Variants in BSN observed in about 807,000 individuals in gnomAD.
BSN encodes the protein bassoon presynaptic cytomatrix protein.
In BSN, 57 loss-of-function variants were observed where a neutral mutation model predicts 264.8. The observed-to-expected ratio is 0.22, with a 90% CI of 0.17 to 0.27. The LOEUF is 0.27. Ranked by LOEUF, BSN falls within the 10% of genes least tolerant of loss-of-function variation. The pLI, the probability that BSN is intolerant of heterozygous loss-of-function variation, is 1.00. For missense variants in BSN, 4,615 were observed against 5,232.5 expected (o/e 0.88, Z 3.64); for synonymous variants, 2,059 against 2,137.3 (o/e 0.96, Z 1.01).
intron 1 of BSN, among the ~76,000 whole-genome samples, chr3:49,564,276 G>A (rs1450111629): frequency 6.6e-6 from 1 of 152,124 alleles, no homozygotes; most frequent in Non-Finnish European, 1.5e-5. Context: ...GAGCTTTTGG[G>A]CAGCTACTCC....
chr3:49,641,169 A>T (rs372335950), intron 2 of BSN, among the ~76,000 whole-genome samples: 5 of 152,196 alleles, frequency 3.3e-5, no homozygotes, highest in African/African-American at 1.2e-4. Flanking sequence ...TTATTGGGTC[A>T]TGTAACTGGA....
At chr3:49,574,138 T>TA in intron 1 of BSN, among the ~76,000 whole-genome samples, 1 of 149,468 alleles carries the variant, frequency 6.7e-6, no homozygotes, top group African/African-American at 2.4e-5. Flanking sequence ...TTGTATTTTT[T>TA]TTTTTTTTTT....
intron 5 of BSN, among the ~76,000 whole-genome samples, chr3:49,659,452 A>AT (rs1422260250): frequency 6.6e-6 from 1 of 152,164 alleles, no homozygotes; most frequent in Non-Finnish European, 1.5e-5. Context: ...GCACACTATA[A>AT]TTTTTATTAT....
rs2052552263 is a variant in BSN, at chr3:49,652,502, A to G, written c.2946A>G (p.Thr982=). ...GCTCCCGTGGTGAGCACTCCTCTACATTGCCTGCCTCCACACCCAGCTACA... is the reference window on the plus strand; with the variant it reads ...GCTCCCGTGGTGAGCACTCCTCTACGTTGCCTGCCTCCACACCCAGCTACA... ...EDRSRGEHSS[T]LPASTPSYTS... is the part of the protein sequence containing the mutation. Residue 982 remains threonine, a synonymous_variant, in exon 5 of 12, where the codon ACA becomes ACG. Coordinates refer to ENST00000296452, the MANE Select transcript of BSN (RefSeq NM_003458.4). 9.9e-6 allele frequency: 16 copies of G among 1,613,556 alleles called. No individual in the cohort carries two copies. Among genetic ancestry groups the G allele is most frequent in the Non-Finnish European group, 1.4e-5 (16 of 1,179,944 alleles).
At chr3:49,609,029 A>G (rs2052181900) in intron 1 of BSN, among the ~76,000 whole-genome samples, 1 of 151,658 alleles carries the variant, frequency 6.6e-6, no homozygotes, top group Non-Finnish European at 1.5e-5. Context: ...GGAACTGAGG[A>G]ATCTGGTGAG....
At chr3:49,573,954 G>A (rs2051819204) in intron 1 of BSN, among the ~76,000 whole-genome samples, 1 of 151,056 alleles carries the variant, frequency 6.6e-6, no homozygotes, top group South Asian at 2.1e-4. Flanking sequence ...ACTGCGCCCA[G>A]CCTTTCTGTT....
Position 49,653,808 on chromosome 3 carries a change from A to G in BSN, c.4252A>G (p.Ser1418Gly). 6.2e-7 allele frequency: 1 copy of G among 1,614,092 alleles called. No individual in the cohort carries two copies. The highest frequency in any genetic ancestry group is 1.7e-5 in the Admixed American group (1 of 60,020). Residue 1418 changes from serine (S) to glycine (G), a missense_variant, in exon 5 of 12, where the codon AGC becomes GGC. By Grantham distance (56) the Ser-to-Gly change is moderately conservative. Transcript: ENST00000296452. This position sits in a 1 kb window ranked among gnomAD's most constrained non-coding sequence, Gnocchi z 6.3. The part of the protein sequence containing the change: ...RSPSPSSTAH[S>G]YGHSPTTANY... ...TCCTTCACCATCTTCCACAGCCCAC[A>G]GCTATGGACACAGCCCAACCACTGC... is the stretch of plus-strand genomic sequence containing the variant.
intron 1 of BSN, among the ~76,000 whole-genome samples, chr3:49,598,199 A>T (rs537798034): frequency 6.6e-6 from 1 of 152,188 alleles, no homozygotes; most frequent in Non-Finnish European, 1.5e-5. Context: ...GTTGCTTTGC[A>T]TGTCTCATAA....
chr3:49,584,221 CTTTCT>C (rs1392982890), intron 1 of BSN, among the ~76,000 whole-genome samples: 4 of 151,720 alleles, frequency 2.6e-5, no homozygotes, highest in African/African-American at 9.7e-5. Flanking sequence ...TAGTAACATC[CTTTCT>C]TTTATTTCTG....
At chr3:49,567,687 T>A (rs1234190110) in intron 1 of BSN, among the ~76,000 whole-genome samples, 5 of 152,228 alleles carry the variant, frequency 3.3e-5, no homozygotes, top group African/African-American at 9.6e-5. Context: ...CAAGGAGTTG[T>A]ATTGCAGTTA....
At chr3:49,636,910 C>T (rs9824435) in intron 2 of BSN, among the ~76,000 whole-genome samples, 131,130 of 152,278 alleles carry the variant, frequency 0.86, 56,627 homozygotes, top group East Asian at 0.99. Context: ...TTCTGCACAT[C>T]GGCCTGTCCT....
intron 1 of BSN, among the ~76,000 whole-genome samples, chr3:49,582,248 A>T (rs1468516497): frequency 6.6e-6 from 1 of 152,238 alleles, no homozygotes; most frequent in Non-Finnish European, 1.5e-5. Flanking sequence ...TTTCTAATCA[A>T]TGGCTTATTG....
At chr3:49,594,506 T>C (rs1370859223) in intron 1 of BSN, among the ~76,000 whole-genome samples, 1 of 152,250 alleles carries the variant, frequency 6.6e-6, no homozygotes, top group Non-Finnish European at 1.5e-5. Flanking sequence ...TATTTCTGAA[T>C]TCTCTATTCT....
In BSN at chr3:49,656,907, C is replaced by T; in HGVS notation, c.7351C>T (p.Gln2451Ter). ...QREQLAQQRL[Q>*]LEQIQQLQQQ... is the part of the protein sequence containing the mutation. ...GGAACAGCTAGCGCAGCAGCGTCTG[C>T]AGCTGGAGCAGATCCAGCAGCTGCA... Residue 2451 changes from glutamine to a stop codon, truncating the protein, a stop_gained, in exon 5 of 12, where the codon CAG becomes TAG. Transcript: ENST00000296452. LOFTEE classifies it high-confidence loss of function. The T allele has an allele frequency of 1.2e-6, 2 of 1,600,306 alleles. No individual in the cohort carries two copies. Among genetic ancestry groups the T allele is most frequent in the Non-Finnish European group, 1.7e-6 (2 of 1,173,282 alleles).
rs576074509 is a variant in BSN at position 49,578,642 on chromosome 3, G to A, written c.224+23816G>A. On this transcript the variant is annotated intron_variant, in intron 1 of 11. Coordinates refer to ENST00000296452, the MANE Select transcript of BSN (RefSeq NM_003458.4). Reference sequence around the variant, plus strand: ...CATGTGGTCTCAATCTCCTGATCTCGTGATCCACCCGTGTCGGCCTCCTAA... The same window carrying A: ...CATGTGGTCTCAATCTCCTGATCTCATGATCCACCCGTGTCGGCCTCCTAA... Among the ~76,000 whole-genome samples, 323 of 152,012 alleles carry A rather than the reference G, an allele frequency of 2.1e-3. 2 individuals carry two copies. The highest frequency in any genetic ancestry group is 0.01 in the Admixed American group (157 of 15,258).
intron 1 of BSN, among the ~76,000 whole-genome samples, chr3:49,588,341 T>G (rs923087641): frequency 3.9e-5 from 6 of 152,182 alleles, no homozygotes; most frequent in Non-Finnish European, 8.8e-5. Context: ...GTGGGCATCC[T>G]TGTCATGTTC....
In BSN at chr3:49,593,889, G is replaced by A. The variant is rs1320248916; in HGVS notation, c.225-31086G>A. ...GTGATCTTGGCTCACTGCAAACTCC[G>A]CCTCCCAGGTTCACGCCATTCTCTT... is the stretch of plus-strand genomic sequence containing the variant. On this transcript the variant is annotated intron_variant, in intron 1 of 11. Transcript: ENST00000296452. Among the ~76,000 whole-genome samples, 5 of 144,172 alleles carry A rather than the reference G, an allele frequency of 3.5e-5. No individual in the cohort carries two copies. In the East Asian group the frequency reaches 6.2e-4, roughly 18 times the overall value. The allele number at this position is 144,172 out of a possible 152,430, so 94.6% of individuals were successfully genotyped here.
intron 1 of BSN, among the ~76,000 whole-genome samples, chr3:49,557,139 G>A (rs1423600866): frequency 1.3e-5 from 2 of 152,292 alleles, no homozygotes; most frequent in Non-Finnish European, 1.5e-5. Context: ...CTCTTAGCCC[G>A]TCGGGATGAT....
At chr3:49,589,425 G>A (rs1331285514) in intron 1 of BSN, among the ~76,000 whole-genome samples, 11 of 151,896 alleles carry the variant, frequency 7.2e-5, no homozygotes, top group Admixed American at 7.2e-4. Context: ...GTCTATGTAT[G>A]TGTATATGTT....
Sources: allele counts gnomAD v4.1 joint callset (sites outside exome capture counted in the v4.1 genomes callset), GRCh38; gene constraint gnomAD v4.1.1; non-coding constraint Gnocchi (gnomAD v3.1); transcripts MANE v1.5; gene names NCBI Gene and HGNC (gene_info 2026-07-23, HGNC 2026-07-21).